CFAP58: variants seen among roughly 807,000 people sequenced by gnomAD.
CFAP58 encodes the protein cilia and flagella associated protein 58.
Under a neutral mutation model 119.5 loss-of-function variants are expected in CFAP58, and 88 were observed. The observed-to-expected ratio is 0.74, with a 90% CI of 0.62 to 0.88. The LOEUF is 0.88. Among genes scored for constraint, CFAP58 ranks in the 40% least tolerant of loss-of-function variants. CFAP58 has a pLI of 0.00. For synonymous variants in CFAP58, 365 were observed against 366.3 expected (o/e 1.00, Z 0.04); for missense variants, 990 against 1,021.2 (o/e 0.97, Z 0.42).
chr10:104,438,379 T>G (rs2012977977), intron 15 of CFAP58, among the ~76,000 whole-genome samples: 1 of 109,202 alleles, frequency 9.2e-6, no homozygotes, highest in Non-Finnish European at 1.8e-5. Context: ...TTTTTGTTTT[T>G]TTTTTTTGAG....
chr10:104,366,195 C>T (rs1275996697), intron 5 of CFAP58, among the ~76,000 whole-genome samples, 187 bp downstream of exon 5: 1 of 152,132 alleles, frequency 6.6e-6, no homozygotes, highest in African/African-American at 2.4e-5. Flanking sequence ...TATGCCCCCC[C>T]TTTTAAATTT....
intron 9 of CFAP58, among the ~76,000 whole-genome samples, chr10:104,386,151 G>A (rs527907757): frequency 6.6e-6 from 1 of 151,540 alleles, no homozygotes; most frequent in South Asian, 2.1e-4. Context: ...GCCAAGGTGG[G>A]TGGATCACCT....
intron 15 of CFAP58, among the ~76,000 whole-genome samples, chr10:104,408,627 G>A (rs1231354348): frequency 6.6e-6 from 1 of 152,130 alleles, no homozygotes; most frequent in African/African-American, 2.4e-5. Context: ...TGTTTGCCAA[G>A]CATCTGTATT....
intron 9 of CFAP58, among the ~76,000 whole-genome samples, chr10:104,388,583 A>C (rs1297097436): frequency 6.6e-6 from 1 of 152,226 alleles, no homozygotes; most frequent in Non-Finnish European, 1.5e-5. Context: ...TTTCAGTTTC[A>C]TTATGAAGGT....
chr10:104,356,761 A>G (rs2014548594), intron 1 of CFAP58, among the ~76,000 whole-genome samples: 1 of 152,168 alleles, frequency 6.6e-6, no homozygotes, highest in Non-Finnish European at 1.5e-5. Flanking sequence ...ATAGGGATCA[A>G]ATTCTATGCT....
intron 1 of CFAP58, 85 bp from the exon 2 acceptor site, chr10:104,358,256 C>CAGT: frequency 7.2e-7 from 1 of 1,381,454 alleles, no homozygotes; most frequent in South Asian, 1.4e-5. Context: ...GGAGGTGTTT[C>CAGT]ATTCAGAGGT....
chr10:104,418,200 G>A (rs890840669), intron 15 of CFAP58, among the ~76,000 whole-genome samples: 12 of 152,182 alleles, frequency 7.9e-5, no homozygotes, highest in Non-Finnish European at 1.0e-4. Flanking sequence ...CAAAGCTGGC[G>A]TTGGTTACTG....
At chr10:104,412,255 A>T (rs1185465258) in intron 15 of CFAP58, among the ~76,000 whole-genome samples, 1 of 152,216 alleles carries the variant, frequency 6.6e-6, no homozygotes, top group African/African-American at 2.4e-5. Context: ...TAGTACCCAT[A>T]GAATTGTGTT....
rs1179274057 is a variant in CFAP58, at chr10:104,399,275, A to G, written c.1675-85A>G. On this transcript the variant is annotated intron_variant, in intron 11 of 17. Coordinates refer to ENST00000369704, the MANE Select transcript of CFAP58 (RefSeq NM_001008723.2). ...CATCAGAGGAAAGAGTAAGAAGCAC[A>G]ACTGTACATCTGAATCCGGGCCCTG... The G allele has an allele frequency of 2.0e-6, 3 of 1,464,420 alleles. No individual in the cohort carries two copies. In the African/African-American group the frequency reaches 4.2e-5, roughly 21 times the overall value. 90.7% of individuals were successfully genotyped at this position (1,464,420 alleles called of 1,614,324 possible). A position where few individuals can be genotyped will look rare whatever the true frequency, so the allele number is the denominator to read the frequency against.
intron 15 of CFAP58, among the ~76,000 whole-genome samples, chr10:104,425,217 A>G (rs1221421266): frequency 2.0e-5 from 3 of 152,162 alleles, no homozygotes; most frequent in Admixed American, 6.5e-5. Flanking sequence ...TGGGCAGAAT[A>G]ATAGAATGCT....
chr10:104,390,830 T>G (rs530822495), intron 9 of CFAP58, among the ~76,000 whole-genome samples: 1 of 152,048 alleles, frequency 6.6e-6, no homozygotes, highest in African/African-American at 2.4e-5. Context: ...TATAAAGAAA[T>G]TAAAATATTT....
the CFAP58 span, among the ~76,000 whole-genome samples, chr10:104,340,297 T>C: frequency 2.9e-4 from 44 of 152,348 alleles, no homozygotes; most frequent in Non-Finnish European, 5.4e-4. Flanking sequence ...CTCTTTGATA[T>C]GCTGTTTGCA....
chr10:104,394,331 A>G (rs2012110304), intron 11 of CFAP58, among the ~76,000 whole-genome samples: 1 of 152,212 alleles, frequency 6.6e-6, no homozygotes, highest in African/African-American at 2.4e-5. Context: ...ATGAAAATAT[A>G]TGTGCAGAAT....
At chr10:104,397,895 A>G (rs1341312366) in intron 11 of CFAP58, among the ~76,000 whole-genome samples, 4 of 152,206 alleles carry the variant, frequency 2.6e-5, no homozygotes, top group African/African-American at 9.7e-5. Context: ...TATATAGTGC[A>G]TGGCACACAA....
intron 9 of CFAP58, among the ~76,000 whole-genome samples, chr10:104,386,649 G>A (rs994641795): frequency 6.6e-6 from 1 of 152,004 alleles, no homozygotes; most frequent in Admixed American, 6.6e-5. Context: ...TGGCTTCTTG[G>A]GGGCGAGTCT....
intron 15 of CFAP58, among the ~76,000 whole-genome samples, chr10:104,411,502 C>CT (rs1475633971): frequency 6.6e-6 from 1 of 151,906 alleles, no homozygotes; most frequent in East Asian, 1.9e-4. Flanking sequence ...GTGGATTTTT[C>CT]TTTTTGTGTT....
In CFAP58 at chr10:104,358,449, C is replaced by A; in HGVS notation, c.118C>A (p.Arg40=). ...TGGAGACAAAAGTTTGGAAAAATTT[C>A]GGATTGAATATGAGAGGCTTCATGC... The part of the protein sequence containing the change: ...LSGDKSLEKF[R]IEYERLHAVM... The change falls in exon 2 of 18, where the codon CGG becomes AGG. Residue 40 remains arginine, a synonymous_variant. Coordinates refer to ENST00000369704, the MANE Select transcript of CFAP58 (RefSeq NM_001008723.2). 1 of 1,613,928 alleles carries A rather than the reference C, an allele frequency of 6.2e-7. No individual in the cohort carries two copies. Among genetic ancestry groups the A allele is most frequent in the South Asian group, 1.1e-5 (1 of 91,078 alleles).
At chr10:104,451,577 A>G (rs532045698) in intron 17 of CFAP58, among the ~76,000 whole-genome samples, 5 of 152,336 alleles carry the variant, frequency 3.3e-5, no homozygotes, top group African/African-American at 1.2e-4. Flanking sequence ...AGAACCACTA[A>G]TATTAACAAT....
chr10:104,450,064 A>G lies in CFAP58; in HGVS notation c.2377-7A>G. The G allele has an allele frequency of 6.3e-7, 1 of 1,588,294 alleles. No individual in the cohort carries two copies. ...TTTTGTTAATGCTGCTTTATTTGCCATGTTAGGTTTTGTCTTCAGAATTGA... is the reference window on the plus strand; with the variant it reads ...TTTTGTTAATGCTGCTTTATTTGCCGTGTTAGGTTTTGTCTTCAGAATTGA... On this transcript the variant is annotated splice_polypyrimidine_tract_variant and splice_region_variant and intron_variant, in intron 16 of 17. Transcript: ENST00000369704.
Sources: allele counts gnomAD v4.1 joint callset (sites outside exome capture counted in the v4.1 genomes callset), GRCh38; gene constraint gnomAD v4.1.1; transcripts MANE v1.5; gene names NCBI Gene and HGNC (gene_info 2026-07-23, HGNC 2026-07-21).